The following HHLA2 variants were observed in gnomAD, a reference collection of about 807,000 sequenced individuals.
The protein encoded by HHLA2 is HERV-H LTR-associating protein 2.
A neutral mutation model predicts 45.9 loss-of-function variants in HHLA2; 48 were observed. That is an observed-to-expected ratio of 1.05 (90% CI 0.83 to 1.33). The LOEUF (loss-of-function observed/expected upper bound fraction) is 1.33. HHLA2 is among the 40% of genes most tolerant of loss of function. HHLA2 has a pLI of 0.00. For missense variants in HHLA2, 462 were observed against 494.3 expected (o/e 0.93, Z 0.62); for synonymous variants, 161 against 173.9 (o/e 0.93, Z 0.59).
chr3:108,326,038 G>A, intron 2 of HHLA2: 1 of 301,100 alleles, frequency 3.3e-6, no homozygotes, highest in Non-Finnish European at 6.5e-6. Context: ...CACTGCCTCA[G>A]TCAGTCATGA....
At chr3:108,365,763 C>G (rs1026383867) in intron 8 of HHLA2, among the ~76,000 whole-genome samples, 10 of 152,206 alleles carry the variant, frequency 6.6e-5, no homozygotes, top group African/African-American at 2.2e-4. Flanking sequence ...TGGGAGTTCA[C>G]TCATGATTTG....
chr3:108,360,904 G>C (rs1230617410), intron 7 of HHLA2, among the ~76,000 whole-genome samples: 1 of 152,180 alleles, frequency 6.6e-6, no homozygotes, highest in Non-Finnish European at 1.5e-5. Context: ...AAACACTATA[G>C]TATGTTCATA....
intron 5 of HHLA2, 72 bp downstream of exon 4, chr3:108,353,852 T>G: frequency 8.6e-7 from 1 of 1,159,262 alleles, no homozygotes; most frequent in East Asian, 2.5e-5. Flanking sequence ...GTCTTTTTCC[T>G]AATATGCCAT....
At position 108,307,057 on chromosome 3, in the gene HHLA2, C is replaced by T. The variant is rs370493685; in HGVS notation, c.-191-3598C>T. Among the ~76,000 whole-genome samples, 35 of 152,072 alleles carry T rather than the reference C, an allele frequency of 2.3e-4. No individual in the cohort carries two copies. The East Asian group carries it at 5.2e-3, about 23-fold the overall frequency. On this transcript the variant is annotated intron_variant, in intron 1 of 10. Transcript: ENST00000619531. ...TTTTAGTAAAGACAGGGTTTCACCA[C>T]GTTGGCCAGGCTGGTCTTGAACTCC...
intron 1 of HHLA2, among the ~76,000 whole-genome samples, chr3:108,307,351 G>A (rs995791124): frequency 2.0e-5 from 3 of 152,014 alleles, no homozygotes; most frequent in African/African-American, 7.2e-5. Flanking sequence ...AAGAGTTCTT[G>A]TTGGCCAGGC....
intron 6 of HHLA2, among the ~76,000 whole-genome samples, chr3:108,356,255 C>T (rs958319105): frequency 1.3e-5 from 2 of 152,084 alleles, no homozygotes; most frequent in African/African-American, 2.4e-5. Context: ...TGGTCTCGAA[C>T]TTCTGACCTC....
intron 3 of HHLA2, among the ~76,000 whole-genome samples, chr3:108,333,869 G>A (rs1429834357): frequency 1.3e-5 from 2 of 152,014 alleles, no homozygotes; most frequent in African/African-American, 4.8e-5. Context: ...ATTATGCTGG[G>A]GTCTTTTTGG....
intron 2 of HHLA2, among the ~76,000 whole-genome samples, chr3:108,325,229 A>G (rs2081267192): frequency 6.6e-6 from 1 of 152,062 alleles, no homozygotes; most frequent in Non-Finnish European, 1.5e-5. Flanking sequence ...GCATGGGTGC[A>G]AAAAACAAAA....
At chr3:108,315,957 C>T (rs1276170129) in intron 2 of HHLA2, among the ~76,000 whole-genome samples, 2 of 151,890 alleles carry the variant, frequency 1.3e-5, no homozygotes, top group African/African-American at 4.8e-5. Context: ...CAATAAGGAA[C>T]ATTTGAAATG....
chr3:108,357,900 G>T (rs778952594), exon 7 of HHLA2: 1 of 1,613,780 alleles, frequency 6.2e-7, no homozygotes, highest in Non-Finnish European at 8.5e-7. Flanking sequence ...ACCTGTAAAT[G>T]ATTATTTTTC....
chr3:108,375,488 AAAAT>A lies in HHLA2; in HGVS notation c.1109-254_1109-251del, dbSNP rs553893738. Among the ~76,000 whole-genome samples the A allele has an allele frequency of 2.8e-3, 423 of 152,194 alleles. 3 individuals carry two copies. The highest frequency in any genetic ancestry group is 9.6e-3 in the African/African-American group (400 of 41,518). ...AAACTTAAAAGAATAATAATAATAC[AAAAT>A]AAATAAAAATAAATTGTACATCAAG... On this transcript the variant is annotated intron_variant, in intron 8 of 10. Coordinates refer to ENST00000619531, the Ensembl canonical transcript of HHLA2.
intron 9 of HHLA2, among the ~76,000 whole-genome samples, chr3:108,376,192 A>G (rs1576192256): frequency 6.6e-6 from 1 of 152,228 alleles, no homozygotes; most frequent in East Asian, 1.9e-4. Context: ...TGGCTATGAC[A>G]TTTCCATTGT....
At chr3:108,344,058 G>GT (rs1443015844) in intron 3 of HHLA2, among the ~76,000 whole-genome samples, 1 of 152,108 alleles carries the variant, frequency 6.6e-6, no homozygotes, top group Non-Finnish European at 1.5e-5. Context: ...TTAAAAACTA[G>GT]TTAGTCTAGC....
intron 8 of HHLA2, among the ~76,000 whole-genome samples, chr3:108,368,039 G>C (rs913095994): frequency 6.6e-6 from 1 of 152,162 alleles, no homozygotes; most frequent in Non-Finnish European, 1.5e-5. Flanking sequence ...CCAGAAGAGA[G>C]TGGGGGCCAA....
intron 3 of HHLA2, among the ~76,000 whole-genome samples, chr3:108,333,598 C>CA (rs5851586): frequency 1.4e-4 from 15 of 108,250 alleles, no homozygotes; most frequent in East Asian, 3.2e-4. Flanking sequence ...TCTCAGTAAC[C>CA]AAAAAAAAAA....
chr3:108,365,202 AT>A (rs1241187378), intron 8 of HHLA2, among the ~76,000 whole-genome samples: 1 of 152,024 alleles, frequency 6.6e-6, no homozygotes, highest in Non-Finnish European at 1.5e-5. Context: ...TCTAGCTTCT[AT>A]TTTCTGCATA....
intron 8 of HHLA2, among the ~76,000 whole-genome samples, chr3:108,375,425 A>T (rs142114190): frequency 6.6e-6 from 1 of 152,110 alleles, no homozygotes; most frequent in Non-Finnish European, 1.5e-5. Context: ...ACATGTATAC[A>T]TATGTAACAA....
intron 7 of HHLA2, among the ~76,000 whole-genome samples, chr3:108,359,579 T>C (rs1367142790): frequency 2.6e-5 from 4 of 152,220 alleles, no homozygotes; most frequent in African/African-American, 9.6e-5. Flanking sequence ...CTGAATGGAA[T>C]TAAATAATCC....
chr3:108,355,224 C>T, exon 6 of HHLA2: 2 of 1,613,872 alleles, frequency 1.2e-6, no homozygotes, highest in Non-Finnish European at 1.7e-6. Flanking sequence ...AAATGGACAA[C>T]ACACCTATCT....
Sources: gnomAD v4.1 joint callset for allele counts (sites outside exome capture counted in the v4.1 genomes callset) on GRCh38, gnomAD v4.1.1 for gene constraint, MANE v1.5 for transcripts, NCBI Gene and HGNC (gene_info 2026-07-23, HGNC 2026-07-21) for gene names.